DTNB: variants seen among roughly 807,000 people sequenced by gnomAD.
The protein encoded by DTNB is DTN-B.
In DTNB, 63 loss-of-function variants were observed where a neutral mutation model predicts 90.7. The ratio of observed to expected loss-of-function variants is 0.69; its 90% CI spans 0.57 to 0.86. The LOEUF (loss-of-function observed/expected upper bound fraction) is 0.86. Among genes scored for constraint, DTNB ranks in the 40% least tolerant of loss-of-function variants. The pLI is 0.00. For synonymous variants in DTNB, 277 were observed against 286.7 expected, an observed-to-expected ratio of 0.97 and a Z score of 0.34; for missense variants, 744 against 807.1, an observed-to-expected ratio of 0.92 and a Z score of 0.95.
chr2:25,556,462 C>A (rs1342045615), intron 8 of DTNB, among the ~76,000 whole-genome samples: 1 of 152,082 alleles, frequency 6.6e-6, no homozygotes, highest in South Asian at 2.1e-4. Context: ...ATGAACATTT[C>A]CAAAATCGAA....
chr2:25,653,519 T>TTTCTTTC (rs1559399607), intron 1 of DTNB, among the ~76,000 whole-genome samples: 23 of 130,346 alleles, frequency 1.8e-4, no homozygotes, highest in African/African-American at 6.4e-4. Context: ...TTCTTTCTTT[T>TTTCTTTC]TTTTTTTTTT....
intron 9 of DTNB, among the ~76,000 whole-genome samples, chr2:25,525,612 G>A (rs961763397): frequency 4.0e-5 from 6 of 151,228 alleles, no homozygotes; most frequent in Non-Finnish European, 5.9e-5. Flanking sequence ...CTCCAGCCTC[G>A]GCAACAAGAG....
At chr2:25,447,499 CTTTTTTTTTT>C (rs34508984) in intron 12 of DTNB, among the ~76,000 whole-genome samples, 2 of 116,028 alleles carry the variant, frequency 1.7e-5, no homozygotes, top group African/African-American at 3.2e-5. Context: ...AGCTAGTTAT[CTTTTTTTTTT>C]TTTTTTTTTT....
At chr2:25,395,837 A>G (rs1172257690) in intron 16 of DTNB, among the ~76,000 whole-genome samples, 1 of 152,228 alleles carries the variant, frequency 6.6e-6, no homozygotes, top group Non-Finnish European at 1.5e-5. Context: ...GAGTAAATAA[A>G]TTAATCCTAC....
At chr2:25,532,245 C>CAAAA (rs11352371) in intron 8 of DTNB, among the ~76,000 whole-genome samples, 4 of 74,246 alleles carry the variant, frequency 5.4e-5, no homozygotes, top group Admixed American at 1.4e-4. Flanking sequence ...AACTCTGTCT[C>CAAAA]AAAAAAAAAA....
intron 8 of DTNB, among the ~76,000 whole-genome samples, chr2:25,567,172 C>A (rs1485156851): frequency 6.6e-6 from 1 of 152,188 alleles, no homozygotes; most frequent in South Asian, 2.1e-4. Flanking sequence ...AAAAAATTGT[C>A]TAGTTTTGTA....
intron 7 of DTNB, among the ~76,000 whole-genome samples, chr2:25,579,009 TA>T: frequency 6.6e-6 from 1 of 152,178 alleles, no homozygotes; most frequent in South Asian, 2.1e-4. Context: ...CTGTCTCTGA[TA>T]AAAATATTAC....
intron 6 of DTNB, among the ~76,000 whole-genome samples, chr2:25,590,977 T>G (rs887130562): frequency 6.6e-5 from 10 of 152,194 alleles, no homozygotes; most frequent in Admixed American, 1.3e-4. Flanking sequence ...CTTCCTCCCA[T>G]GCTCATCAGT....
In DTNB at chr2:25,379,195, G is replaced by A. The variant is rs1235212972; in HGVS notation, c.*29+95C>T. Reference sequence around the variant, plus strand: ...CATCTTCACCTGTTAGGACTGCCCTGGCTAGGGACCTGTGACTGCAGGAAG... The same window carrying A: ...CATCTTCACCTGTTAGGACTGCCCTAGCTAGGGACCTGTGACTGCAGGAAG... On this transcript the variant is annotated intron_variant, in intron 20 of 20. Coordinates refer to ENST00000406818, the MANE Select transcript of DTNB (RefSeq NM_021907.5). 3 of 1,218,696 alleles carry A rather than the reference G, an allele frequency of 2.5e-6. No homozygotes were observed. The East Asian group carries it at 9.4e-5, about 38-fold the overall frequency. 75.5% of individuals were successfully genotyped at this position (1,218,696 alleles called of 1,614,324 possible). A position where few individuals can be genotyped will look rare whatever the true frequency, so the allele number is the denominator to read the frequency against.
intron 10 of DTNB, among the ~76,000 whole-genome samples, chr2:25,477,240 T>A (rs1338078328): frequency 6.6e-6 from 1 of 152,230 alleles, no homozygotes; most frequent in Non-Finnish European, 1.5e-5. Flanking sequence ...CTTTTATATG[T>A]ACTGGGAAAT....
chr2:25,429,218 T>C (rs1412279133), intron 14 of DTNB, among the ~76,000 whole-genome samples: 3 of 152,348 alleles, frequency 2.0e-5, no homozygotes, highest in Non-Finnish European at 4.4e-5. Context: ...AAGGACAATA[T>C]TTTGAAAATA....
intron 8 of DTNB, among the ~76,000 whole-genome samples, chr2:25,570,406 C>CAAAAAAAAAAAAAAAAAAAAAAAAAA (rs146251976): frequency 1.1e-5 from 1 of 89,914 alleles, no homozygotes. Context: ...TTTCCTGTCT[C>CAAAAAAAAAAAAAAAAAAAAAAAAAA]AAAAAAAAAA....
At chr2:25,416,836 G>C (rs1394812851) in intron 16 of DTNB, among the ~76,000 whole-genome samples, 1 of 151,520 alleles carries the variant, frequency 6.6e-6, no homozygotes, top group Admixed American at 6.6e-5. Context: ...AAGGAAGGAA[G>C]GAAGGAAGGA....
intron 4 of DTNB, among the ~76,000 whole-genome samples, chr2:25,610,488 T>C (rs2068311005): frequency 6.6e-6 from 1 of 152,242 alleles, no homozygotes; most frequent in Non-Finnish European, 1.5e-5. Flanking sequence ...CTGTATGGTA[T>C]CCTTTTTAAC....
At chr2:25,415,657 A>G (rs1188081356) in intron 16 of DTNB, among the ~76,000 whole-genome samples, 1 of 152,114 alleles carries the variant, frequency 6.6e-6, no homozygotes, top group Non-Finnish European at 1.5e-5. Flanking sequence ...GGGGCTAAAG[A>G]TTGAGTTAAT....
intron 19 of DTNB, among the ~76,000 whole-genome samples, chr2:25,380,883 G>A (rs886209975): frequency 3.3e-5 from 5 of 152,216 alleles, no homozygotes; most frequent in Non-Finnish European, 5.9e-5. Context: ...ACAGGGGAGT[G>A]CAGGTGCAGA....
intron 3 of DTNB, among the ~76,000 whole-genome samples, chr2:25,629,346 T>G (rs542017339): frequency 6.6e-6 from 1 of 152,290 alleles, no homozygotes; most frequent in African/African-American, 2.4e-5. Flanking sequence ...AAAACACAAC[T>G]ATTCAAAAGA....
chr2:25,573,214 C>G (rs111719098), intron 8 of DTNB, among the ~76,000 whole-genome samples: 11,665 of 151,876 alleles, frequency 0.077, 1,432 homozygotes, highest in African/African-American at 0.26. Flanking sequence ...CCAAACTGCT[C>G]GGATTACAGG....
At chr2:25,499,473 C>T (rs1018632772) in intron 9 of DTNB, among the ~76,000 whole-genome samples, 5 of 152,102 alleles carry the variant, frequency 3.3e-5, no homozygotes, top group African/African-American at 9.7e-5. Flanking sequence ...GGGGAACAGA[C>T]GAAGGATGTT....
Sources: gnomAD v4.1 joint callset for allele counts (sites outside exome capture counted in the v4.1 genomes callset) on GRCh38, gnomAD v4.1.1 for gene constraint, MANE v1.5 for transcripts, NCBI Gene and HGNC (gene_info 2026-07-23, HGNC 2026-07-21) for gene names.